COL8A1: variants seen among roughly 807,000 people sequenced by gnomAD.
COL8A1 encodes the protein collagen alpha-1(VIII) chain.
A neutral mutation model predicts 42.7 loss-of-function variants in COL8A1; 21 were observed. The ratio of observed to expected loss-of-function variants is 0.49; its 90% confidence interval spans 0.35 to 0.71. The LOEUF (loss-of-function observed/expected upper bound fraction) is 0.71. Among genes scored for constraint, COL8A1 ranks in the 30% least tolerant of loss-of-function variants. COL8A1 has a pLI of 0.01. For missense variants in COL8A1, 788 were observed against 962.4 expected (o/e 0.82, Z 2.40); for synonymous variants, 367 against 369.1 (o/e 0.99, Z 0.06).
At chr3:99,746,024 G>T (rs1371792554) in intron 2 of COL8A1, among the ~76,000 whole-genome samples, 1 of 152,082 alleles carries the variant, frequency 6.6e-6, no homozygotes, top group African/African-American at 2.4e-5. Flanking sequence ...ATAATTAAAA[G>T]AATGAATTGC....
At chr3:99,789,023 A>C (rs931791069) in intron 2 of COL8A1, among the ~76,000 whole-genome samples, 1 of 152,200 alleles carries the variant, frequency 6.6e-6, no homozygotes, top group Admixed American at 6.5e-5. Flanking sequence ...TAGTAATCCA[A>C]AATGGGCCTA....
At chr3:99,694,714 A>G (rs1241442247) in intron 1 of COL8A1, among the ~76,000 whole-genome samples, 1 of 152,148 alleles carries the variant, frequency 6.6e-6, no homozygotes, top group African/African-American at 2.4e-5. Context: ...CCTTTGAGGG[A>G]TTCTTTGTTC....
At chr3:99,737,216 C>G (rs1354044743) in intron 1 of COL8A1, among the ~76,000 whole-genome samples, 1 of 152,028 alleles carries the variant, frequency 6.6e-6, no homozygotes, top group Non-Finnish European at 1.5e-5. Context: ...TTAATTGGAG[C>G]ATTTAGTCCA....
chr3:99,722,264 G>C (rs940300713), intron 1 of COL8A1, among the ~76,000 whole-genome samples: 7 of 152,064 alleles, frequency 4.6e-5, no homozygotes, highest in Admixed American at 3.3e-4. Context: ...GAGAGGTTGA[G>C]AATTACAGAC....
chr3:99,739,542 C>T (rs1940838234), intron 1 of COL8A1, among the ~76,000 whole-genome samples: 1 of 152,192 alleles, frequency 6.6e-6, no homozygotes, highest in Admixed American at 6.5e-5. Context: ...GTTCTCAAAC[C>T]ACAATTCTTG....
At chr3:99,774,072 C>T (rs901250096) in intron 2 of COL8A1, among the ~76,000 whole-genome samples, 4 of 150,408 alleles carry the variant, frequency 2.7e-5, no homozygotes, top group African/African-American at 4.9e-5. Flanking sequence ...CTCAAACTCC[C>T]GATCTCAGGC....
intron 2 of COL8A1, among the ~76,000 whole-genome samples, chr3:99,768,026 T>C (rs1941498481): frequency 6.6e-6 from 1 of 152,138 alleles, no homozygotes; most frequent in Non-Finnish European, 1.5e-5. Context: ...TTGATTGAGA[T>C]CGGTACATAA....
chr3:99,735,608 TTC>T (rs1250549698), intron 1 of COL8A1, among the ~76,000 whole-genome samples: 1 of 150,034 alleles, frequency 6.7e-6, no homozygotes, highest in Non-Finnish European at 1.5e-5. Flanking sequence ...TGGTCTAAAA[TTC>T]TCTTTTTTTG....
intron 3 of COL8A1, among the ~76,000 whole-genome samples, chr3:99,792,844 C>T (rs140926612): frequency 6.6e-6 from 1 of 152,338 alleles, no homozygotes; most frequent in East Asian, 1.9e-4. Context: ...GGAAATCCCA[C>T]AGCACCTTCA....
intron 2 of COL8A1, among the ~76,000 whole-genome samples, chr3:99,772,570 G>A (rs1941601474): frequency 6.6e-6 from 1 of 152,084 alleles, no homozygotes; most frequent in African/African-American, 2.4e-5. Context: ...GAATATATGG[G>A]AACTTTGTAC....
chr3:99,788,251 C>T (rs1479183080), intron 2 of COL8A1, among the ~76,000 whole-genome samples: 1 of 152,174 alleles, frequency 6.6e-6, no homozygotes, highest in Non-Finnish European at 1.5e-5. Flanking sequence ...AGAGAAATGG[C>T]AGAAGGCAGA....
Position 99,795,764 on chromosome 3 carries a change from G to A in COL8A1, c.1863G>A (p.Glu621=), listed in dbSNP as rs1188901252. ...ATGAGATGCCTGCATTTACCGCCGA[G>A]CTAACCGCACCTTTCCCACCGGTGG... The part of the protein sequence containing the change: ...PAYEMPAFTA[E]LTAPFPPVGA... Residue 621 remains glutamate (E), a synonymous_variant, in exon 4 of 4, where the codon GAG becomes GAA. Coordinates refer to ENST00000652472, the MANE Select transcript of COL8A1 (RefSeq NM_020351.4). 3.7e-6 allele frequency: 6 copies of A among 1,614,044 alleles called. No homozygotes were observed. Among genetic ancestry groups the A allele is most frequent in the Non-Finnish European group, 5.1e-6 (6 of 1,180,030 alleles).
chr3:99,738,567 G>T (rs543903534), intron 1 of COL8A1, among the ~76,000 whole-genome samples: 132 of 152,350 alleles, frequency 8.7e-4, no homozygotes, highest in Admixed American at 2.7e-3. Context: ...CACTTGAGGA[G>T]GCAGTCTGCC....
intron 2 of COL8A1, among the ~76,000 whole-genome samples, chr3:99,781,578 A>G (rs1941794107): frequency 6.6e-6 from 1 of 152,174 alleles, no homozygotes; most frequent in Non-Finnish European, 1.5e-5. Context: ...CATTTTTACG[A>G]TGTCCACTTT....
intron 2 of COL8A1, among the ~76,000 whole-genome samples, chr3:99,752,828 T>C (rs1410546167): frequency 1.3e-5 from 2 of 152,136 alleles, no homozygotes; most frequent in Non-Finnish European, 2.9e-5. Flanking sequence ...GACTTTTTAA[T>C]TTCATGAGTA....
At chr3:99,664,818 G>A (rs575797896) in intron 1 of COL8A1, among the ~76,000 whole-genome samples, 1 of 152,190 alleles carries the variant, frequency 6.6e-6, no homozygotes, top group Non-Finnish European at 1.5e-5. Flanking sequence ...TTTATGCATG[G>A]CCATGCAGCC....
At chr3:99,690,335 T>C (rs549860390) in intron 1 of COL8A1, among the ~76,000 whole-genome samples, 68 of 152,328 alleles carry the variant, frequency 4.5e-4, no homozygotes, top group Non-Finnish European at 8.5e-4. Flanking sequence ...ATAAAAAACA[T>C]TTTTTTCTCT....
intron 1 of COL8A1, among the ~76,000 whole-genome samples, chr3:99,727,770 G>T (rs1302714931): frequency 6.6e-6 from 1 of 152,038 alleles, no homozygotes; most frequent in Non-Finnish European, 1.5e-5. Context: ...GAATCCAGCA[G>T]CACATCCAAA....
At chr3:99,745,251 C>G (rs1559625413) in intron 2 of COL8A1, among the ~76,000 whole-genome samples, 1 of 152,026 alleles carries the variant, frequency 6.6e-6, no homozygotes, top group South Asian at 2.1e-4. Context: ...AGAGTGTGAT[C>G]CTAGCTGATT....
Sources: allele counts gnomAD v4.1 joint callset (sites outside exome capture counted in the v4.1 genomes callset), GRCh38; gene constraint gnomAD v4.1.1; transcripts MANE v1.5; gene names NCBI Gene and HGNC (gene_info 2026-07-23, HGNC 2026-07-21).